Variants in STK3 observed in about 807,000 individuals in gnomAD.
STK3 encodes serine/threonine-protein kinase 3.
In STK3, 41 loss-of-function variants were observed where a neutral mutation model predicts 58.0. The observed-to-expected ratio is 0.71, with a 90% confidence interval of 0.55 to 0.92. STK3 has a LOEUF of 0.92. STK3 is among the 40% of genes least tolerant of loss of function. STK3 has a pLI of 0.00. For synonymous variants in STK3, 170 were observed against 191.0 expected (o/e 0.89, Z 0.91); for missense variants, 479 against 602.7 (o/e 0.79, Z 2.15).
chr8:98,798,576 T>C (rs1435938183), intron 1 of STK3, among the ~76,000 whole-genome samples: 1 of 152,226 alleles, frequency 6.6e-6, no homozygotes, highest in Non-Finnish European at 1.5e-5. Context: ...GGATTTCTTA[T>C]ATGCTTAGGC....
intron 10 of STK3, among the ~76,000 whole-genome samples, chr8:98,505,107 C>G (rs1247215592): frequency 6.6e-6 from 1 of 152,102 alleles, no homozygotes; most frequent in Non-Finnish European, 1.5e-5. Flanking sequence ...TCTTTTTTCT[C>G]TAACCTTGTC....
chr8:98,395,352 C>T (rs1206835057), intron 3 of STK3, among the ~76,000 whole-genome samples: 1 of 152,130 alleles, frequency 6.6e-6, no homozygotes, highest in Non-Finnish European at 1.5e-5. Context: ...ATCTAGTGTT[C>T]AGAGGAGCAT....
intron 1 of STK3, among the ~76,000 whole-genome samples, chr8:98,888,900 T>C (rs1306780522): frequency 6.6e-6 from 1 of 152,158 alleles, no homozygotes; most frequent in African/African-American, 2.4e-5. Context: ...TTGAGCCAGG[T>C]GGACTTAAAC....
chr8:98,846,511 A>G (rs1836203559), intron 3 of STK3, among the ~76,000 whole-genome samples: 1 of 152,116 alleles, frequency 6.6e-6, no homozygotes. Flanking sequence ...AAACATACAT[A>G]AGTCTTTGCC....
intron 6 of STK3, among the ~76,000 whole-genome samples, chr8:98,661,444 C>A (rs1456022285): frequency 6.6e-6 from 1 of 152,036 alleles, no homozygotes; most frequent in Non-Finnish European, 1.5e-5. Context: ...ATACCTTAAT[C>A]CAGGGTATCA....
chr8:98,692,558 T>C (rs1208971715), intron 6 of STK3, among the ~76,000 whole-genome samples: 2 of 151,980 alleles, frequency 1.3e-5, no homozygotes, highest in Non-Finnish European at 2.9e-5. Flanking sequence ...TTGCGAGGGG[T>C]TGGAGCAAGA....
At chr8:98,514,270 T>A (rs1004705445) in intron 10 of STK3, among the ~76,000 whole-genome samples, 2 of 152,088 alleles carry the variant, frequency 1.3e-5, no homozygotes, top group Non-Finnish European at 1.5e-5. Flanking sequence ...AGACTTTTAC[T>A]AAATGAAAGT....
At chr8:98,839,059 C>T (rs1276236146) in intron 3 of STK3, among the ~76,000 whole-genome samples, 1 of 137,420 alleles carries the variant, frequency 7.3e-6, no homozygotes, top group South Asian at 2.3e-4. Flanking sequence ...TGGGGGGGGG[C>T]GGTTTGAGAC....
intron 3 of STK3, chr8:98,434,089 A>G (rs1177858746): frequency 6.6e-6 from 1 of 152,224 alleles, no homozygotes; most frequent in African/African-American, 2.4e-5. Flanking sequence ...CCTGAGGTGT[A>G]TGGAGCAGAT....
intron 3 of STK3, among the ~76,000 whole-genome samples, chr8:98,759,361 A>G (rs1830483196): frequency 6.7e-6 from 1 of 150,118 alleles, no homozygotes; most frequent in Non-Finnish European, 1.5e-5. Context: ...GATGGGGCCC[A>G]CGGCCTAGCA....
chr8:98,497,954 A>G (rs1006729777), intron 10 of STK3, among the ~76,000 whole-genome samples: 3 of 152,184 alleles, frequency 2.0e-5, no homozygotes, highest in African/African-American at 7.2e-5. Context: ...GAAAAAGGAA[A>G]ACGATGTCCA....
chr8:98,830,417 G>A (rs989218307), upstream of STK3, among the ~76,000 whole-genome samples: 1 of 152,142 alleles, frequency 6.6e-6, no homozygotes, highest in East Asian at 1.9e-4. Flanking sequence ...AAGGCCCAGA[G>A]GCAGGACTGT....
intron 6 of STK3, among the ~76,000 whole-genome samples, chr8:98,654,889 C>T (rs541146320): frequency 2.0e-5 from 3 of 152,084 alleles, no homozygotes; most frequent in South Asian, 2.1e-4. Flanking sequence ...GAATCAATAT[C>T]GTGAAAATGG....
At chr8:98,446,919 G>C (rs1260549717) in intron 1 of STK3, among the ~76,000 whole-genome samples, 2 of 152,086 alleles carry the variant, frequency 1.3e-5, no homozygotes, top group Non-Finnish European at 2.9e-5. Context: ...AAAAAAGAAT[G>C]AGATAATGTC....
intron 10 of STK3, among the ~76,000 whole-genome samples, chr8:98,493,395 C>T (rs541455911): frequency 9.9e-5 from 15 of 152,110 alleles, no homozygotes; most frequent in South Asian, 4.1e-4. Context: ...ATTCACTTCC[C>T]GCTCTGAAGC....
At chr8:98,883,729 T>C, downstream of STK3, 1 of 702,992 alleles carries the variant, frequency 1.4e-6, no homozygotes, top group Non-Finnish European at 2.6e-6. Context: ...AGGCAGATGG[T>C]AATGCCACTG....
the STK3 span, among the ~76,000 whole-genome samples, chr8:98,346,478 A>C: frequency 2.0e-5 from 3 of 151,932 alleles, no homozygotes; most frequent in Non-Finnish European, 4.4e-5. Context: ...AAGCTCAATG[A>C]ACACCAAGTA....
chr8:98,830,932 T>G (rs1229148830), intron 3 of STK3, among the ~76,000 whole-genome samples: 1 of 132,624 alleles, frequency 7.5e-6, no homozygotes, highest in African/African-American at 2.9e-5. Context: ...ATAGTGCCAC[T>G]GCACTCCAGC....
chr8:98,746,546 G>A lies in STK3; in HGVS notation c.351+2730C>T, dbSNP rs544879082. Among the ~76,000 whole-genome samples, 54 of 151,896 alleles carry A rather than the reference G, an allele frequency of 3.6e-4. 1 individual carries two copies. The South Asian group carries it at 0.01, about 29-fold the overall frequency. ...GAAGATCACTTGAGCCCAGGAGGCC[G>A]GGGCTATAGTGAGCCATGATCACAC... On this transcript the variant is annotated intron_variant, in intron 4 of 10. Coordinates refer to ENST00000419617, the MANE Select transcript of STK3 (RefSeq NM_006281.4).
Sources: gnomAD v4.1 joint callset for allele counts (sites outside exome capture counted in the v4.1 genomes callset) on GRCh38, gnomAD v4.1.1 for gene constraint, MANE v1.5 for transcripts, NCBI Gene and HGNC (gene_info 2026-07-23, HGNC 2026-07-21) for gene names.